FRMD5: variants seen among roughly 807,000 people sequenced by gnomAD.
The protein encoded by FRMD5 is FERM domain-containing protein 5.
FRMD5 carries 20 observed loss-of-function variants against 69.0 expected under a neutral mutation model. That is an observed-to-expected ratio of 0.29 (90% confidence interval 0.20 to 0.42). The LOEUF (loss-of-function observed/expected upper bound fraction) is 0.42, where lower values mean the gene tolerates loss of function less well. Ranked by LOEUF, FRMD5 falls within the 10% of genes least tolerant of loss-of-function variation. The probability of loss-of-function intolerance (pLI) is 1.00; values close to 1 mark genes in which losing one functional copy is unlikely to be tolerated. For synonymous variants in FRMD5, 271 were observed against 260.1 expected (o/e 1.04, Z -0.40); for missense variants, 595 against 708.6 (o/e 0.84, Z 1.82).
intron 1 of FRMD5, among the ~76,000 whole-genome samples, chr15:44,075,558 G>A (rs1038261159): frequency 7.2e-5 from 11 of 151,744 alleles, no homozygotes; most frequent in Non-Finnish European, 1.0e-4. Flanking sequence ...ATAAATATAG[G>A]GAATTTCTCC....
intron 1 of FRMD5, among the ~76,000 whole-genome samples, chr15:43,958,212 G>A (rs2090144222): frequency 6.6e-6 from 1 of 152,122 alleles, no homozygotes; most frequent in Non-Finnish European, 1.5e-5. Flanking sequence ...AGCTGCCCAT[G>A]TAGTTTCATG....
chr15:44,122,846 G>A (rs1022993053), intron 1 of FRMD5, among the ~76,000 whole-genome samples: 5 of 151,874 alleles, frequency 3.3e-5, no homozygotes, highest in African/African-American at 7.3e-5. Flanking sequence ...AGCTGAGATC[G>A]TGCCACTGCA....
intron 1 of FRMD5, among the ~76,000 whole-genome samples, chr15:44,029,241 C>T (rs1207773276): frequency 8.5e-5 from 13 of 152,128 alleles, no homozygotes; most frequent in Admixed American, 3.9e-4. Context: ...TATGGAATGG[C>T]TCCTGCCACC....
intron 1 of FRMD5, among the ~76,000 whole-genome samples, chr15:44,053,993 T>G (rs1892770129): frequency 6.6e-6 from 1 of 152,226 alleles, no homozygotes; most frequent in Non-Finnish European, 1.5e-5. Flanking sequence ...TCATCACATG[T>G]GTGAAAGCAA....
At chr15:44,075,287 C>T (rs1195910583) in intron 1 of FRMD5, among the ~76,000 whole-genome samples, 1 of 152,002 alleles carries the variant, frequency 6.6e-6, no homozygotes, top group Non-Finnish European at 1.5e-5. Flanking sequence ...AGGTCTTAGC[C>T]AAATAGATCT....
In FRMD5 at chr15:44,195,069, GC is replaced by G; in HGVS notation, c.-16del. 11 of 1,096,246 alleles carry G rather than the reference GC, an allele frequency of 1.0e-5. No homozygotes were observed. The highest frequency in any genetic ancestry group is 1.4e-5 in the Non-Finnish European group (11 of 795,198). 67.9% of individuals were successfully genotyped at this position (1,096,246 alleles called of 1,614,324 possible). On this transcript the variant is annotated 5_prime_UTR_variant, in exon 1 of 14. Transcript: ENST00000417257. The stretch of plus-strand genomic sequence containing the variant: ...CTGCTCAGCATCTTCCCGCCCGCCC[GC>G]CCGGGAGCGACGCGGCGGCGCTGCG...
intron 1 of FRMD5, among the ~76,000 whole-genome samples, chr15:44,158,154 T>C (rs779775914): frequency 1.3e-5 from 2 of 152,220 alleles, no homozygotes; most frequent in Non-Finnish European, 2.9e-5. Context: ...TTAGAGCCTC[T>C]GTCTCACCCT....
rs150477649 is a variant in FRMD5, at chr15:43,899,612, C to T, written c.639+2563G>A. On this transcript the variant is annotated intron_variant, in intron 7 of 13. Transcript: ENST00000417257. Reference sequence around the variant, plus strand: ...TAATGTGAAAAGACTCCACTGAGGCCGCCATGGGAGGCATACCACAAACAT... The same window carrying T: ...TAATGTGAAAAGACTCCACTGAGGCTGCCATGGGAGGCATACCACAAACAT... 1.4e-4 allele frequency among the ~76,000 whole-genome samples: 21 copies of T among 152,266 alleles called. No individual in the cohort carries two copies. The East Asian group carries it at 2.3e-3, about 17-fold the overall frequency.
At chr15:44,061,147 C>T (rs1247254702) in intron 1 of FRMD5, among the ~76,000 whole-genome samples, 3 of 152,158 alleles carry the variant, frequency 2.0e-5, no homozygotes, top group African/African-American at 4.8e-5. Context: ...AATCCTATGT[C>T]CTTCCTGACT....
chr15:43,882,952 C>G (rs1282344033), intron 13 of FRMD5, among the ~76,000 whole-genome samples: 1 of 151,526 alleles, frequency 6.6e-6, no homozygotes, highest in Non-Finnish European at 1.5e-5. Context: ...ATTACAGGCT[C>G]CCACGACCAT....
At chr15:44,159,766 T>A (rs529246913) in intron 1 of FRMD5, among the ~76,000 whole-genome samples, 12 of 152,204 alleles carry the variant, frequency 7.9e-5, no homozygotes, top group Non-Finnish European at 1.8e-4. Context: ...ATTTCTTAAG[T>A]GGATCTGTGG....
At chr15:44,114,820 C>T (rs968410990) in intron 1 of FRMD5, among the ~76,000 whole-genome samples, 3 of 151,902 alleles carry the variant, frequency 2.0e-5, no homozygotes, top group Non-Finnish European at 2.9e-5. Context: ...AGGAAAGAAG[C>T]AATAAAGAGA....
At chr15:43,948,055 A>G (rs1313955242) in intron 1 of FRMD5, among the ~76,000 whole-genome samples, 1 of 152,184 alleles carries the variant, frequency 6.6e-6, no homozygotes, top group Non-Finnish European at 1.5e-5. Flanking sequence ...TTCTTTAATC[A>G]TCACAACAAC....
intron 1 of FRMD5, among the ~76,000 whole-genome samples, chr15:43,930,016 T>A (rs1311003873): frequency 6.6e-6 from 1 of 152,146 alleles, no homozygotes; most frequent in Non-Finnish European, 1.5e-5. Context: ...ATTTCTGGGG[T>A]GCAGTCCCTG....
chr15:44,122,691 G>A (rs1471299693), intron 1 of FRMD5, among the ~76,000 whole-genome samples: 1 of 152,188 alleles, frequency 6.6e-6, no homozygotes, highest in African/African-American at 2.4e-5. Context: ...ACGAGGTCAG[G>A]AGATGGAGAT....
chr15:43,878,066 A>G (rs1352009792), intron 13 of FRMD5, among the ~76,000 whole-genome samples: 1 of 152,162 alleles, frequency 6.6e-6, no homozygotes, highest in East Asian at 1.9e-4. Flanking sequence ...GCAGTGGTAC[A>G]ATCACGGCTC....
In FRMD5 at chr15:44,044,215, A is replaced by T. The variant is rs549237435; in HGVS notation, c.103-119906T>A. On this transcript the variant is annotated intron_variant, in intron 1 of 13. Coordinates refer to ENST00000417257, the MANE Select transcript of FRMD5 (RefSeq NM_032892.5). ...TTAGAGAAATGCAAATCAAAACCAC[A>T]ATGAGATACCATCTCATGCCAGTTA... Among the ~76,000 whole-genome samples, 19 of 152,366 alleles carry T rather than the reference A, an allele frequency of 1.2e-4. No homozygotes were observed. The South Asian group carries it at 3.9e-3, about 32-fold the overall frequency.
chr15:44,052,800 T>C (rs780362900), intron 1 of FRMD5, among the ~76,000 whole-genome samples: 2 of 152,176 alleles, frequency 1.3e-5, no homozygotes, highest in Non-Finnish European at 2.9e-5. Context: ...GAAAGGGCCT[T>C]AGAGAATACT....
chr15:44,109,327 T>G (rs951917328), intron 1 of FRMD5, among the ~76,000 whole-genome samples: 3 of 152,158 alleles, frequency 2.0e-5, no homozygotes, highest in Non-Finnish European at 4.4e-5. Flanking sequence ...TCTCCTTCAT[T>G]TTTGAAAGAC....
Sources: allele counts gnomAD v4.1 joint callset (sites outside exome capture counted in the v4.1 genomes callset), GRCh38; gene constraint gnomAD v4.1.1; transcripts MANE v1.5; gene names NCBI Gene and HGNC (gene_info 2026-07-23, HGNC 2026-07-21).